KLHDC8A: variants seen among roughly 807,000 people sequenced by gnomAD.
KLHDC8A encodes the protein kelch domain-containing protein 8A.
A neutral mutation model predicts 33.1 loss-of-function variants in KLHDC8A; 21 were observed. The observed-to-expected ratio is 0.64, with a 90% CI of 0.45 to 0.91. The LOEUF (loss-of-function observed/expected upper bound fraction) is 0.91. KLHDC8A is among the 40% of genes least tolerant of loss of function. The probability of loss-of-function intolerance (pLI) is 0.00; values close to 1 mark genes in which losing one functional copy is unlikely to be tolerated. For synonymous variants in KLHDC8A, 173 were observed against 193.5 expected, an observed-to-expected ratio of 0.89 and a Z score of 0.88; for missense variants, 435 against 483.3, an observed-to-expected ratio of 0.90 and a Z score of 0.94.
chr1:205,352,514 C>T (rs1268523618), intron 1 of KLHDC8A, among the ~76,000 whole-genome samples: 7 of 152,228 alleles, frequency 4.6e-5, no homozygotes, highest in East Asian at 1.9e-4. Flanking sequence ...CCTAGGGAGA[C>T]GGCAATCTGC....
At chr1:205,349,541 G>A (rs1285376119) in intron 1 of KLHDC8A, among the ~76,000 whole-genome samples, 1 of 152,238 alleles carries the variant, frequency 6.6e-6, no homozygotes, top group African/African-American at 2.4e-5. Flanking sequence ...ATGTAGAGAA[G>A]GAAGGGTTGG....
At position 205,337,265 on chromosome 1, in the gene KLHDC8A, C is replaced by A; in HGVS notation, c.*134G>T. On this transcript the variant is annotated 3_prime_UTR_variant, in exon 6 of 6. Coordinates refer to ENST00000367155, the MANE Select transcript of KLHDC8A (RefSeq NM_018203.3). ...CTATAGAGAGGTCAACTTAGAGCCC[C>A]AAGGCCAGACTCCACTGGTTGCTAA... 1 of 707,188 alleles carries A rather than the reference C, an allele frequency of 1.4e-6. No individual in the cohort carries two copies. The highest frequency in any genetic ancestry group is 2.4e-6 in the Non-Finnish European group (1 of 413,692). 43.8% of individuals were successfully genotyped at this position (707,188 alleles called of 1,614,324 possible). A position where few individuals can be genotyped will look rare whatever the true frequency, so the allele number is the denominator to read the frequency against.
intron 2 of KLHDC8A, among the ~76,000 whole-genome samples, chr1:205,340,398 C>T (rs998944369): frequency 4.6e-5 from 7 of 152,200 alleles, no homozygotes; most frequent in African/African-American, 7.2e-5. Flanking sequence ...TGAAACACTG[C>T]GTGAAGTTTA....
chr1:205,340,412 C>G (rs1277175764), intron 2 of KLHDC8A, among the ~76,000 whole-genome samples: 1 of 152,184 alleles, frequency 6.6e-6, no homozygotes, highest in Non-Finnish European at 1.5e-5. Context: ...AAGTTTAGGC[C>G]TGGAAAACCC....
intron 1 of KLHDC8A, among the ~76,000 whole-genome samples, chr1:205,345,556 G>C (rs913431556): frequency 2.6e-5 from 4 of 152,028 alleles, no homozygotes; most frequent in African/African-American, 9.7e-5. Flanking sequence ...TGGCCAACAT[G>C]GTGAAGCCCC....
At position 205,339,482 on chromosome 1, in the gene KLHDC8A, C is replaced by T; in HGVS notation, c.542-73G>A. Reference sequence around the variant, plus strand: ...GGACAGCGACAGTGAAAAGGGTTTCCCCTTTTGACAGTTACTCATTCATAC... The same window carrying T: ...GGACAGCGACAGTGAAAAGGGTTTCTCCTTTTGACAGTTACTCATTCATAC... On this transcript the variant is annotated intron_variant, in intron 3 of 5. Transcript: ENST00000367155. This position sits in a 1 kb window ranked among gnomAD's most constrained non-coding sequence, Gnocchi z 5.1. The T allele has an allele frequency of 1.3e-6, 2 of 1,484,364 alleles. No individual in the cohort carries two copies. Among genetic ancestry groups the T allele is most frequent in the Non-Finnish European group, 1.9e-6 (2 of 1,077,480 alleles). 91.9% of individuals were successfully genotyped at this position (1,484,364 alleles called of 1,614,324 possible).
intron 4 of KLHDC8A, 97 bp from the exon 5 acceptor site, chr1:205,338,693 G>T: frequency 1.1e-6 from 1 of 924,554 alleles, no homozygotes; most frequent in Non-Finnish European, 1.7e-6. Flanking sequence ...TTCACCCTGG[G>T]CAGTGTCTTC....
chr1:205,353,432 A>G (rs914899447), intron 1 of KLHDC8A, among the ~76,000 whole-genome samples: 2 of 152,190 alleles, frequency 1.3e-5, no homozygotes, highest in African/African-American at 4.8e-5. Context: ...GCAAAGCATA[A>G]AATGTTTACT....
chr1:205,355,695 G>A (rs1452724057), intron 1 of KLHDC8A, among the ~76,000 whole-genome samples: 1 of 152,148 alleles, frequency 6.6e-6, no homozygotes, highest in Non-Finnish European at 1.5e-5. Context: ...GTACAAAGGT[G>A]AAAACTTAGA....
chr1:205,337,976 C>T (rs1164278087), intron 5 of KLHDC8A, among the ~76,000 whole-genome samples: 1 of 152,192 alleles, frequency 6.6e-6, no homozygotes, highest in Non-Finnish European at 1.5e-5. Flanking sequence ...CCTGGAAGCC[C>T]TGCTGCCTGG....
intron 5 of KLHDC8A, among the ~76,000 whole-genome samples, 168 bp downstream of exon 5, chr1:205,338,327 T>G (rs1223257411): frequency 1.3e-5 from 2 of 152,190 alleles, no homozygotes; most frequent in Non-Finnish European, 2.9e-5. Flanking sequence ...CCACAGTGGA[T>G]AGGTAATATC....
chr1:205,340,815 C>T (rs1662770351), intron 2 of KLHDC8A, among the ~76,000 whole-genome samples: 1 of 152,218 alleles, frequency 6.6e-6, no homozygotes, highest in Non-Finnish European at 1.5e-5. Flanking sequence ...TTTCCCCAGG[C>T]ATTCACAAAC....
Position 205,356,524 on chromosome 1 carries a change from A to G in KLHDC8A, c.-190+9T>C, listed in dbSNP as rs771271409. ...TCACTCTGCATAGATGGATTGAAAT[A>G]AAACTTACCTGACTGGAGGGAAAAG... On this transcript the variant is annotated intron_variant, in intron 1 of 5. Transcript: ENST00000367155. 2.2e-6 allele frequency: 1 copy of G among 456,336 alleles called. No individual in the cohort carries two copies. The allele number at this position is 456,336 out of a possible 1,614,324, so 28.3% of individuals were successfully genotyped here. A position where few individuals can be genotyped will look rare whatever the true frequency, so the allele number is the denominator to read the frequency against.
chr1:205,349,648 G>C (rs1305195650), intron 1 of KLHDC8A, among the ~76,000 whole-genome samples: 1 of 152,200 alleles, frequency 6.6e-6, no homozygotes, highest in Non-Finnish European at 1.5e-5. Flanking sequence ...AATCGTAAGA[G>C]GAAATGGGGC....
intron 5 of KLHDC8A, 80 bp downstream of exon 5, chr1:205,338,415 T>C: frequency 8.8e-7 from 1 of 1,135,166 alleles, no homozygotes; most frequent in Admixed American, 1.8e-5. Context: ...GTCAGTACCC[T>C]TTCCTGCATA....
rs765841407 is a variant in KLHDC8A at position 205,343,417 on chromosome 1, G to A, written c.188C>T (p.Pro63Leu). The A allele has an allele frequency of 1.2e-6, 2 of 1,613,352 alleles. No individual in the cohort carries two copies. Among genetic ancestry groups the A allele is most frequent in the South Asian group, 1.1e-5 (1 of 91,076 alleles). The change falls in exon 2 of 6, where the codon CCC becomes CTC. Residue 63 changes from proline to leucine, a missense_variant. Coordinates refer to ENST00000367155, the MANE Select transcript of KLHDC8A (RefSeq NM_018203.3). ...CCCCGCCCGGGCTGTGGGCAGCCGG[G>A]GCAAGGCGGTCCACTGGTCGGCCTC... ...SPEADQWTAL[P>L]RLPTARAGVA...
intron 1 of KLHDC8A, among the ~76,000 whole-genome samples, chr1:205,351,895 G>C (rs1039621737): frequency 6.6e-5 from 10 of 151,562 alleles, no homozygotes; most frequent in Non-Finnish European, 2.9e-5. Context: ...CTCCAGCCTG[G>C]GCAACAAGGG....
intron 2 of KLHDC8A, among the ~76,000 whole-genome samples, chr1:205,340,352 C>G (rs1662758739): frequency 6.6e-6 from 1 of 152,182 alleles, no homozygotes; most frequent in Admixed American, 6.5e-5. Flanking sequence ...ACTACACGCC[C>G]TAGTCTTCCT....
intron 1 of KLHDC8A, 53 bp downstream of exon 1, chr1:205,356,480 C>A: frequency 2.2e-6 from 1 of 453,446 alleles, no homozygotes; most frequent in Non-Finnish European, 4.4e-6. Flanking sequence ...CACCAGCAGG[C>A]CCTCAGAATG....
Sources: allele counts gnomAD v4.1 joint callset (sites outside exome capture counted in the v4.1 genomes callset), GRCh38; gene constraint gnomAD v4.1.1; non-coding constraint Gnocchi (gnomAD v3.1); transcripts MANE v1.5; gene names NCBI Gene and HGNC (gene_info 2026-07-23, HGNC 2026-07-21).